DTNA: variants seen among roughly 807,000 people sequenced by gnomAD.
DTNA encodes the protein dystrobrevin alpha.
Under a neutral mutation model 100.7 loss-of-function variants are expected in DTNA, and 43 were observed. The observed-to-expected ratio is 0.43, with a 90% CI of 0.33 to 0.55. The LOEUF (loss-of-function observed/expected upper bound fraction) is 0.55, where lower values mean the gene tolerates loss of function less well. Ranked by LOEUF, DTNA falls within the 20% of genes least tolerant of loss-of-function variation. The pLI is 0.04. For missense variants in DTNA, 798 were observed against 953.9 expected, an observed-to-expected ratio of 0.84 and a Z score of 2.15; for synonymous variants, 349 against 347.9, an observed-to-expected ratio of 1.00 and a Z score of -0.04.
At chr18:34,885,839 G>C (rs530042947) in intron 22 of DTNA, among the ~76,000 whole-genome samples, 1 of 152,340 alleles carries the variant, frequency 6.6e-6, no homozygotes, top group East Asian at 1.9e-4. Context: ...GAAACACTGG[G>C]ACCCAGAACT....
intron 1 of DTNA, among the ~76,000 whole-genome samples, chr18:34,669,850 G>A (rs2076496343): frequency 6.6e-6 from 1 of 152,184 alleles, no homozygotes; most frequent in Non-Finnish European, 1.5e-5. Flanking sequence ...CTCTCTGGCT[G>A]CCCTTAATAT....
chr18:34,820,770 T>C (rs767583173), intron 8 of DTNA, 21 bp from the exon 9 acceptor site: 1 of 1,614,096 alleles, frequency 6.2e-7, no homozygotes, highest in Non-Finnish European at 8.5e-7. Context: ...TTGTCACTTC[T>C]GCCTTCCTTC....
At chr18:34,815,666 G>C in intron 6 of DTNA, 1 of 462,706 alleles carries the variant, frequency 2.2e-6, no homozygotes, top group South Asian at 2.2e-5. Flanking sequence ...TTTTTCTCCT[G>C]GTGATACTAT....
At chr18:34,746,080 A>G (rs946032864) in intron 1 of DTNA, among the ~76,000 whole-genome samples, 3 of 152,086 alleles carry the variant, frequency 2.0e-5, no homozygotes, top group Non-Finnish European at 4.4e-5. Context: ...GTTTATGCAT[A>G]TATACAATAT....
chr18:34,772,825 A>G (rs1568472395), intron 3 of DTNA, among the ~76,000 whole-genome samples: 1 of 152,222 alleles, frequency 6.6e-6, no homozygotes, highest in Non-Finnish European at 1.5e-5. Flanking sequence ...TTAGCTTTAC[A>G]CTCAACTAAA....
At chr18:34,583,191 A>T (rs143407550) in intron 1 of DTNA, among the ~76,000 whole-genome samples, 6 of 152,330 alleles carry the variant, frequency 3.9e-5, no homozygotes, top group Admixed American at 2.0e-4. Context: ...GAATAAAAGG[A>T]TCTCCTTAGT....
Position 34,627,368 on chromosome 18 carries a change from T to G in DTNA, c.-1-128608T>G, listed in dbSNP as rs543458093. The stretch of plus-strand genomic sequence containing the variant: ...AAAGTGTGTTCACTTTCCCTTACTC[T>G]TCTACTGAAGTCTCCACTGCTCCCT... On this transcript the variant is annotated intron_variant, in intron 1 of 19. Transcript: ENST00000283365. 9.2e-5 allele frequency among the ~76,000 whole-genome samples: 14 copies of G among 152,244 alleles called. No individual in the cohort carries two copies. In the East Asian group the frequency reaches 2.3e-3, roughly 25 times the overall value.
chr18:34,823,868 G>A (rs2095789729), intron 9 of DTNA, among the ~76,000 whole-genome samples: 1 of 152,160 alleles, frequency 6.6e-6, no homozygotes. Flanking sequence ...TGCAAGCATT[G>A]GCAATATTGA....
Position 34,729,466 on chromosome 18 carries a change from G to A in DTNA, c.-2+19021G>A, listed in dbSNP as rs189956573. On this transcript the variant is annotated intron_variant, in intron 1 of 22. Transcript: ENST00000444659. Reference sequence around the variant, plus strand: ...AAGTTTTAATACCTTCCTGTAGGTGGCAGGTTGCTGCTCTCTCCTTCAGAA... The same window carrying A: ...AAGTTTTAATACCTTCCTGTAGGTGACAGGTTGCTGCTCTCTCCTTCAGAA... Among the ~76,000 whole-genome samples, 165 of 152,320 alleles carry A rather than the reference G, an allele frequency of 1.1e-3. 1 individual carries two copies. The highest frequency in any genetic ancestry group is 9.9e-3 in the Admixed American group (152 of 15,294).
chr18:34,691,766 C>A (rs1006610003), intron 1 of DTNA, among the ~76,000 whole-genome samples: 8 of 152,182 alleles, frequency 5.3e-5, no homozygotes, highest in Admixed American at 1.3e-4. Flanking sequence ...AGACACTCCT[C>A]CCATCCACAC....
At chr18:34,824,783 A>C (rs1602728817) in intron 9 of DTNA, among the ~76,000 whole-genome samples, 1 of 151,844 alleles carries the variant, frequency 6.6e-6, no homozygotes, top group African/African-American at 2.4e-5. Context: ...GCCTCTCTAT[A>C]TTACCCAGGC....
intron 1 of DTNA, among the ~76,000 whole-genome samples, chr18:34,542,208 T>C (rs939654626): frequency 6.6e-6 from 1 of 152,118 alleles, no homozygotes; most frequent in Admixed American, 6.6e-5. Flanking sequence ...AGTAAGTGTC[T>C]ACTAAATTTA....
rs1023385886 is a variant in DTNA, at chr18:34,890,485, C to G, written c.*2751C>G. The G allele has an allele frequency of 1.1e-5, 17 of 1,534,834 alleles. No homozygotes were observed. In the Admixed American group the frequency reaches 1.6e-4, roughly 14 times the overall value. On this transcript the variant is annotated 3_prime_UTR_variant, in exon 23 of 23. Coordinates refer to ENST00000444659, the MANE Select transcript of DTNA (RefSeq NM_001386795.1). The stretch of plus-strand genomic sequence containing the variant: ...CACTTGTCCTGTCCATTAGATACAA[C>G]TACATCTTGCGGGGGTTGTTTCTTT...
At chr18:34,860,086 A>C (rs1256572701) in intron 16 of DTNA, among the ~76,000 whole-genome samples, 2 of 151,954 alleles carry the variant, frequency 1.3e-5, no homozygotes, top group African/African-American at 4.8e-5. Context: ...TCACTCTGTC[A>C]CCCAGGCTGG....
chr18:34,848,518 G>C, intron 14 of DTNA, 135 bp downstream of exon 14: 1 of 1,020,714 alleles, frequency 9.8e-7, no homozygotes, highest in South Asian at 1.4e-5. Flanking sequence ...TGTGTTTGTT[G>C]CTAAGTTTGT....
intron 1 of DTNA, among the ~76,000 whole-genome samples, chr18:34,496,851 A>T (rs142142062): frequency 6.6e-6 from 1 of 152,340 alleles, no homozygotes; most frequent in African/African-American, 2.4e-5. Flanking sequence ...TACTAATTCC[A>T]GTAATCTTTT....
chr18:34,863,553 T>A (rs2096656679), intron 16 of DTNA, among the ~76,000 whole-genome samples: 1 of 152,218 alleles, frequency 6.6e-6, no homozygotes, highest in African/African-American at 2.4e-5. Context: ...AATCAATATT[T>A]TCTGTGAATT....
intron 3 of DTNA, among the ~76,000 whole-genome samples, chr18:34,772,579 G>A (rs2093833155): frequency 6.6e-6 from 1 of 152,070 alleles, no homozygotes; most frequent in Non-Finnish European, 1.5e-5. Context: ...GAGTAGCCTT[G>A]AGCTATGTTT....
chr18:34,690,801 G>A (rs2079640269), intron 1 of DTNA, among the ~76,000 whole-genome samples: 2 of 152,196 alleles, frequency 1.3e-5, no homozygotes, highest in Non-Finnish European at 2.9e-5. Flanking sequence ...TAAATGGCTG[G>A]TGATTAAGGG....
Sources: allele counts gnomAD v4.1 joint callset (sites outside exome capture counted in the v4.1 genomes callset), GRCh38; gene constraint gnomAD v4.1.1; transcripts MANE v1.5; gene names NCBI Gene and HGNC (gene_info 2026-07-23, HGNC 2026-07-21).